NKTR: variants seen among roughly 807,000 people sequenced by gnomAD.
NKTR encodes the protein NK-tumor recognition protein.
In NKTR, 67 loss-of-function variants were observed where a neutral mutation model predicts 156.3. The observed-to-expected ratio is 0.43, with a 90% CI of 0.35 to 0.53. NKTR has a LOEUF of 0.53. NKTR is among the 20% of genes least tolerant of loss of function. The probability of loss-of-function intolerance (pLI) is 0.01; values close to 1 mark genes in which losing one functional copy is unlikely to be tolerated. For missense variants in NKTR, 1,604 were observed against 1,730.9 expected, an observed-to-expected ratio of 0.93 and a Z score of 1.30; for synonymous variants, 640 against 596.6, an observed-to-expected ratio of 1.07 and a Z score of -1.06.
intron 6 of NKTR, among the ~76,000 whole-genome samples, chr3:42,624,204 CTT>C (rs763717243): frequency 1.6e-4 from 24 of 150,542 alleles, no homozygotes; most frequent in Non-Finnish European, 2.2e-4. Context: ...TTTACAGTAA[CTT>C]TATTTCTAGT....
At position 42,637,804 on chromosome 3, in the gene NKTR, A is replaced by T; in HGVS notation, c.2100A>T (p.Arg700Ser). The change falls in exon 13 of 17, where the codon AGA becomes AGT. Residue 700 changes from arginine (R) to serine (S), a missense_variant. Coordinates refer to ENST00000232978, the MANE Select transcript of NKTR (RefSeq NM_005385.4). The part of the protein sequence containing the change: ...PRSRSRSSRS[R>S]SYSRSYTRSR... Reference sequence around the variant, plus strand: ...CAAGGAGCAGATCTTCTAGGAGTAGATCTTATTCCAGATCATATACAAGAT... The same window carrying T: ...CAAGGAGCAGATCTTCTAGGAGTAGTTCTTATTCCAGATCATATACAAGAT... 1 of 1,613,966 alleles carries T rather than the reference A, an allele frequency of 6.2e-7. No individual in the cohort carries two copies. Among genetic ancestry groups the T allele is most frequent in the Non-Finnish European group, 8.5e-7 (1 of 1,179,958 alleles).
Position 42,636,961 on chromosome 3 carries a change from T to C in NKTR, c.1257T>C (p.Ser419=). 5 of 1,610,812 alleles carry C rather than the reference T, an allele frequency of 3.1e-6. No individual in the cohort carries two copies. Among genetic ancestry groups the C allele is most frequent in the Non-Finnish European group, 4.2e-6 (5 of 1,179,302 alleles). The change falls in exon 13 of 17, where the codon AGT becomes AGC. Residue 419 remains serine (S), a synonymous_variant. Transcript: ENST00000232978. ...ATAATGGATATTATTCAGACCTTAG[T>C]ACAGCAAGACACTCTGGCCACCATA... The part of the protein sequence containing the change: ...WSYNGYYSDL[S]TARHSGHHKK...
In NKTR at chr3:42,637,224, T is replaced by C. The variant is rs931921654; in HGVS notation, c.1520T>C (p.Val507Ala). 1 of 1,611,420 alleles carries C rather than the reference T, an allele frequency of 6.2e-7. No individual in the cohort carries two copies. Among genetic ancestry groups the C allele is most frequent in the Non-Finnish European group, 8.5e-7 (1 of 1,179,292 alleles). The change falls in exon 13 of 17, where the codon GTC becomes GCC. Residue 507 changes from valine to alanine, a missense_variant. Coordinates refer to ENST00000232978, the MANE Select transcript of NKTR (RefSeq NM_005385.4). ...KRDWSKSDKD[V>A]QSSLTHSSRD... The stretch of plus-strand genomic sequence containing the variant: ...GACTGGTCTAAATCTGATAAGGATG[T>C]CCAGAGCTCTTTAACCCATTCCAGC...
rs992664185 is a variant in NKTR, at chr3:42,647,076, A to C, written c.*1101A>C. 1 of 152,150 alleles carries C rather than the reference A, an allele frequency of 6.6e-6. No homozygotes were observed. The highest frequency in any genetic ancestry group is 1.9e-4 in the East Asian group (1 of 5,198). The allele number at this position is 152,150 out of a possible 1,614,324, so 9.4% of individuals were successfully genotyped here. A position where few individuals can be genotyped will look rare whatever the true frequency, so the allele number is the denominator to read the frequency against. On this transcript the variant is annotated 3_prime_UTR_variant, in exon 17 of 17. Coordinates refer to ENST00000232978, the MANE Select transcript of NKTR (RefSeq NM_005385.4). ...AGTCTTTCAAGTACAGGATATTACC[A>C]CAACAGCAGCTGAACTGTTGTAACC...
chr3:42,619,714 G>C lies in NKTR; in HGVS notation c.286+6G>C, dbSNP rs1189956644. 1 of 1,609,078 alleles carries C rather than the reference G, an allele frequency of 6.2e-7. No homozygotes were observed. The highest frequency in any genetic ancestry group is 8.5e-7 in the Non-Finnish European group (1 of 1,177,392). ...TTATGGTGGATATTTTAAAGGTAAG[G>C]CTTAATATTTTACGGTCTTTTGTTT... On this transcript the variant is annotated splice_donor_region_variant and intron_variant, in intron 5 of 16. Transcript: ENST00000232978.
At chr3:42,618,865 T>C (rs1231389233) in intron 3 of NKTR, among the ~76,000 whole-genome samples, 155 bp from the exon 4 acceptor site, 1 of 152,144 alleles carries the variant, frequency 6.6e-6, no homozygotes, top group African/African-American at 2.4e-5. Flanking sequence ...TGCGTGCATG[T>C]GTGTATGTTA....
rs1257707777 is a variant in NKTR at position 42,638,542 on chromosome 3, T to C, written c.2838T>C (p.Gly946=). 2 of 1,613,680 alleles carry C rather than the reference T, an allele frequency of 1.2e-6. No homozygotes were observed. Among genetic ancestry groups the C allele is most frequent in the African/African-American group, 2.7e-5 (2 of 74,878 alleles). ...ATACTTCACTGCCTGATGATAATGG[T>C]GCTTGGAAATCAAGCAAACAGCGCA... ...STNTSLPDDN[G]AWKSSKQRTS... The change falls in exon 13 of 17, where the codon GGT becomes GGC. Residue 946 remains glycine, a synonymous_variant. Transcript: ENST00000232978.
At chr3:42,613,721 C>G (rs1707065822) in intron 2 of NKTR, among the ~76,000 whole-genome samples, 2 of 152,162 alleles carry the variant, frequency 1.3e-5, no homozygotes, top group South Asian at 4.1e-4. Flanking sequence ...AGAATCTACA[C>G]CATGACATAG....
intron 8 of NKTR, among the ~76,000 whole-genome samples, chr3:42,632,156 GCCT>G (rs1708977683): frequency 7.3e-6 from 1 of 137,362 alleles, no homozygotes; most frequent in Non-Finnish European, 1.5e-5. Context: ...TGCAACCTCT[GCCT>G]CCTGGGTTCA....
chr3:42,624,851 TTG>T (rs755386034), intron 6 of NKTR, among the ~76,000 whole-genome samples: 4 of 152,194 alleles, frequency 2.6e-5, no homozygotes, highest in Non-Finnish European at 5.9e-5. Context: ...TGTAATTTTT[TTG>T]TCTTTATATA....
In NKTR at chr3:42,617,555, T is replaced by C; in HGVS notation, c.59-15T>C. On this transcript the variant is annotated splice_polypyrimidine_tract_variant and intron_variant, in intron 2 of 16. Coordinates refer to ENST00000232978, the MANE Select transcript of NKTR (RefSeq NM_005385.4). ...TAACTTGCTTACTATTTTTTTCCTA[T>C]GTATTTTATTTCAGTTGGTCGCATT... The C allele has an allele frequency of 6.8e-7, 1 of 1,463,532 alleles. No homozygotes were observed. The highest frequency in any genetic ancestry group is 9.6e-7 in the Non-Finnish European group (1 of 1,044,670). The allele number at this position is 1,463,532 out of a possible 1,614,324, so 90.7% of individuals were successfully genotyped here.
At position 42,637,123 on chromosome 3, in the gene NKTR, A is replaced by G. The variant is rs1171104956; in HGVS notation, c.1419A>G (p.Arg473=). 6.2e-7 allele frequency: 1 copy of G among 1,608,268 alleles called. No homozygotes were observed. Among genetic ancestry groups the G allele is most frequent in the East Asian group, 2.2e-5 (1 of 44,866 alleles). Residue 473 remains arginine (R), a synonymous_variant, in exon 13 of 17, where the codon CGA becomes CGG. Transcript: ENST00000232978. The part of the protein sequence containing the change: ...SDIESSKSST[R]RMKSSCDRER... ...TAGAATCCTCAAAATCTTCCACTCGAAGAATGAAATCCTCTTGTGATAGAG... is the reference window on the plus strand; with the variant it reads ...TAGAATCCTCAAAATCTTCCACTCGGAGAATGAAATCCTCTTGTGATAGAG...
intron 6 of NKTR, among the ~76,000 whole-genome samples, chr3:42,622,203 ACTTAC>A (rs984629812): frequency 6.6e-6 from 1 of 152,078 alleles, no homozygotes; most frequent in Non-Finnish European, 1.5e-5. Flanking sequence ...ACAACCAAAA[ACTTAC>A]CTTTTTATTA....
chr3:42,643,794 C>T, intron 15 of NKTR, 108 bp from the exon 16 acceptor site: 1 of 738,078 alleles, frequency 1.4e-6, no homozygotes, highest in Non-Finnish European at 2.4e-6. Flanking sequence ...ATGCTGTCAC[C>T]TAGTGCCCAT....
chr3:42,639,522 G>A lies in NKTR; in HGVS notation c.3818G>A (p.Arg1273Gln), dbSNP rs1709698567. 9.3e-6 allele frequency: 15 copies of A among 1,614,110 alleles called. No homozygotes were observed. The highest frequency in any genetic ancestry group is 1.2e-5 in the Non-Finnish European group (14 of 1,180,022). ...GAAATTAAAAGCAAAAATAAAGTTC[G>A]GCCTGGGTCTCTCTTTGATGAAGTA... ...RIEIKSKNKV[R>Q]PGSLFDEVRK... The change falls in exon 13 of 17, where the codon CGG (arginine) becomes CAG (glutamine). Residue 1273 changes from arginine (R) to glutamine (Q), a missense_variant. Arg to Gln is a conservative substitution (Grantham distance 43). This residue lies in a region of NKTR where 18 missense variants were observed against 41.9 expected (regional missense o/e 0.43). Coordinates refer to ENST00000232978, the MANE Select transcript of NKTR (RefSeq NM_005385.4).
chr3:42,645,892 T>C lies in NKTR; in HGVS notation c.4306T>C (p.Cys1436Arg). The change falls in exon 17 of 17, where the codon TGT becomes CGT. Residue 1436 changes from cysteine (C) to arginine (R), a missense_variant. Cys to Arg is a radical substitution (Grantham distance 180, BLOSUM62 -3). Coordinates refer to ENST00000232978, the MANE Select transcript of NKTR (RefSeq NM_005385.4). Reference protein sequence around the residue: ...GRSYNRRSRSCRSYGSDSESD... With the variant: ...GRSYNRRSRSRRSYGSDSESD... The stretch of plus-strand genomic sequence containing the variant: ...TATTTTGTTTTGTTATTACAGGAGT[T>C]GTAGATCTTATGGCTCTGACAGTGA... 6.2e-7 allele frequency: 1 copy of C among 1,608,774 alleles called. No individual in the cohort carries two copies. Among genetic ancestry groups the C allele is most frequent in the African/African-American group, 1.3e-5 (1 of 74,942 alleles).
chr3:42,603,902 A>AT (rs1455444986), intron 2 of NKTR, among the ~76,000 whole-genome samples: 1 of 151,594 alleles, frequency 6.6e-6, no homozygotes, highest in African/African-American at 2.4e-5. Context: ...CCCCTGGCTA[A>AT]TTTTTTTGTA....
intron 14 of NKTR, 82 bp downstream of exon 14, chr3:42,642,678 G>C (rs1440815940): frequency 1.4e-5 from 13 of 954,098 alleles, no homozygotes; most frequent in East Asian, 2.4e-5. Context: ...GGTAGTTGTT[G>C]AGAAGAATCA....
At chr3:42,635,946 A>G (rs796960933) in intron 12 of NKTR, among the ~76,000 whole-genome samples, 8 of 152,296 alleles carry the variant, frequency 5.3e-5, no homozygotes, top group African/African-American at 1.9e-4. Context: ...GAAATTATAT[A>G]GCAGATTCTT....
Sources: allele counts gnomAD v4.1 joint callset (sites outside exome capture counted in the v4.1 genomes callset), GRCh38; gene constraint gnomAD v4.1.1; regional missense constraint gnomAD v4.1.1; transcripts MANE v1.5; gene names NCBI Gene and HGNC (gene_info 2026-07-23, HGNC 2026-07-21).